APBA1: variants seen among roughly 807,000 people sequenced by gnomAD.
APBA1 encodes amyloid beta precursor protein binding family A member 1.
Under a neutral mutation model 86.6 loss-of-function variants are expected in APBA1, and 55 were observed. The ratio of observed to expected loss-of-function variants is 0.64; its 90% confidence interval spans 0.51 to 0.80. APBA1 has a LOEUF of 0.80. Among genes scored for constraint, APBA1 ranks in the 30% least tolerant of loss-of-function variants. The pLI is 0.00. For synonymous variants in APBA1, 511 were observed against 493.9 expected (o/e 1.03, Z -0.46); for missense variants, 1,090 against 1,183.0 (o/e 0.92, Z 1.15).
chr9:69,579,498 ATATT>A, intron 1 of APBA1, among the ~76,000 whole-genome samples: 1 of 152,306 alleles, frequency 6.6e-6, no homozygotes, highest in South Asian at 2.1e-4. Flanking sequence ...GCTACATTTT[ATATT>A]CATCTATGTG....
At chr9:69,561,823 C>T (rs1014592423) in intron 1 of APBA1, among the ~76,000 whole-genome samples, 15 of 152,008 alleles carry the variant, frequency 9.9e-5, no homozygotes, top group African/African-American at 2.7e-4. Context: ...GACAGGGTTT[C>T]GTCACGTTGG....
intron 1 of APBA1, among the ~76,000 whole-genome samples, chr9:69,603,809 A>T (rs1822403580): frequency 6.6e-6 from 1 of 152,244 alleles, no homozygotes; most frequent in Admixed American, 6.5e-5. Flanking sequence ...GAGAGCAGAC[A>T]TAAACCTGGA....
chr9:69,490,055 G>A (rs1041855602), intron 2 of APBA1, among the ~76,000 whole-genome samples: 7 of 152,092 alleles, frequency 4.6e-5, no homozygotes, highest in African/African-American at 1.7e-4. Flanking sequence ...ATTCACAATA[G>A]CAAAGACTTG....
At chr9:69,553,454 A>T (rs1022901065) in intron 1 of APBA1, among the ~76,000 whole-genome samples, 6 of 152,152 alleles carry the variant, frequency 3.9e-5, no homozygotes, top group African/African-American at 1.4e-4. Flanking sequence ...ACTTCATAAA[A>T]ATCTAATCTT....
chr9:69,494,187 T>C (rs1263625152), intron 2 of APBA1: 1 of 152,120 alleles, frequency 6.6e-6, no homozygotes, highest in African/African-American at 2.4e-5. Context: ...AACTGTTTTA[T>C]ATATATATTT....
chr9:69,474,250 C>T (rs1377228567), intron 3 of APBA1: 1 of 152,180 alleles, frequency 6.6e-6, no homozygotes, highest in Non-Finnish European at 1.5e-5. Context: ...CCTGCAAACA[C>T]TTTCTACTCC....
chr9:69,564,924 G>A (rs1837002003), intron 1 of APBA1, among the ~76,000 whole-genome samples: 1 of 152,160 alleles, frequency 6.6e-6, no homozygotes, highest in Non-Finnish European at 1.5e-5. Context: ...ACCCAAATGG[G>A]AAAAGCTCAT....
chr9:69,441,139 G>A, intron 10 of APBA1, 24 bp from the exon 11 acceptor site: 4 of 1,607,116 alleles, frequency 2.5e-6, no homozygotes, highest in African/African-American at 2.7e-5. Context: ...AAAGTACAGT[G>A]GGTATGGTGA....
intron 1 of APBA1, among the ~76,000 whole-genome samples, chr9:69,641,066 C>A (rs1213280061): frequency 1.3e-5 from 2 of 151,844 alleles, no homozygotes; most frequent in East Asian, 3.9e-4. Flanking sequence ...GTAGAAAATA[C>A]CGAGGAATAT....
chr9:69,534,132 A>G (rs1482308888), intron 1 of APBA1, among the ~76,000 whole-genome samples: 1 of 152,196 alleles, frequency 6.6e-6, no homozygotes, highest in Non-Finnish European at 1.5e-5. Context: ...CTTCTTTTCT[A>G]CCTAAAGAAC....
chr9:69,660,771 T>TG (rs1357930479), intron 1 of APBA1, among the ~76,000 whole-genome samples: 1 of 152,158 alleles, frequency 6.6e-6, no homozygotes, highest in Non-Finnish European at 1.5e-5. Context: ...AATATACATG[T>TG]GGGGGGCATA....
chr9:69,530,818 A>G (rs946916128), intron 1 of APBA1, among the ~76,000 whole-genome samples: 2 of 152,206 alleles, frequency 1.3e-5, no homozygotes, highest in Admixed American at 1.3e-4. Context: ...CTCCAAAAAA[A>G]GTCTGTATTG....
At chr9:69,475,955 G>C in intron 3 of APBA1, 93 bp downstream of exon 3, 1 of 998,262 alleles carries the variant, frequency 1.0e-6, no homozygotes, top group Non-Finnish European at 1.6e-6. Context: ...ATGTGGGTCA[G>C]GAGCGCTGTA....
At chr9:69,440,875 C>CA (rs1374073822) in intron 11 of APBA1, 121 bp downstream of exon 11, 1 of 1,265,368 alleles carries the variant, frequency 7.9e-7, no homozygotes, top group African/African-American at 1.5e-5. Flanking sequence ...CTGCATCACT[C>CA]ACGCTGGGAG....
chr9:69,558,138 A>G (rs1444115230), intron 1 of APBA1, among the ~76,000 whole-genome samples: 1 of 152,164 alleles, frequency 6.6e-6, no homozygotes, highest in Non-Finnish European at 1.5e-5. Flanking sequence ...TTATCTGTGC[A>G]TTAAAGTCTA....
chr9:69,660,017 G>T (rs766958244), intron 1 of APBA1, among the ~76,000 whole-genome samples: 3 of 152,008 alleles, frequency 2.0e-5, no homozygotes, highest in South Asian at 4.2e-4. Context: ...ACATACCCAC[G>T]TGCACACACT....
chr9:69,436,988 C>G (rs749420366), intron 11 of APBA1, among the ~76,000 whole-genome samples: 117 of 152,058 alleles, frequency 7.7e-4, no homozygotes, highest in Middle Eastern at 3.4e-3. Context: ...TAGCATGAAG[C>G]GTTGTTGAAT....
intron 4 of APBA1, among the ~76,000 whole-genome samples, chr9:69,468,807 A>G (rs537153321): frequency 2.6e-5 from 4 of 152,364 alleles, no homozygotes; most frequent in African/African-American, 4.8e-5. Flanking sequence ...ATATAACTGT[A>G]TAACAGTCTA....
chr9:69,658,276 CTTTCTTTCTCTCTCTCTT>C lies in APBA1; in HGVS notation c.-70+13859_-70+13876del, dbSNP rs1564104879. On this transcript the variant is annotated intron_variant, in intron 1 of 12. Transcript: ENST00000265381. Reference sequence around the variant, plus strand: ...TCTTTCTTTCTTTCTTTCTTTCTTTCTTTCTTTCTCTCTCTCTTTCTCTCTCTCTCTTTCTTTCTTTCT... The same window carrying C: ...TCTTTCTTTCTTTCTTTCTTTCTTTCTCTCTCTCTCTCTTTCTTTCTTTCT... 4.2e-4 allele frequency among the ~76,000 whole-genome samples: 33 copies of C among 79,204 alleles called. 1 individual carries two copies. Among genetic ancestry groups the C allele is most frequent in the African/African-American group, 1.4e-3 (32 of 23,196 alleles). 52.0% of individuals were successfully genotyped at this position (79,204 alleles called of 152,430 possible). A position where few individuals can be genotyped will look rare whatever the true frequency, so the allele number is the denominator to read the frequency against.
Sources: allele counts gnomAD v4.1 joint callset (sites outside exome capture counted in the v4.1 genomes callset), GRCh38; gene constraint gnomAD v4.1.1; transcripts MANE v1.5; gene names NCBI Gene and HGNC (gene_info 2026-07-23, HGNC 2026-07-21).